Variants in NELL1 observed in about 807,000 individuals in gnomAD.
The protein encoded by NELL1 is protein kinase C-binding protein NELL1.
In NELL1, 76 loss-of-function variants were observed where a neutral mutation model predicts 107.4. The observed-to-expected ratio is 0.71, with a 90% CI of 0.59 to 0.86. The LOEUF is 0.86. Among genes scored for constraint, NELL1 ranks in the 40% least tolerant of loss-of-function variants. NELL1 has a pLI of 0.00. For synonymous variants in NELL1, 353 were observed against 341.2 expected (o/e 1.03, Z -0.38); for missense variants, 1,024 against 1,005.5 (o/e 1.02, Z -0.25).
intron 12 of NELL1, among the ~76,000 whole-genome samples, chr11:21,010,823 C>A (rs1366349888): frequency 6.6e-6 from 1 of 152,074 alleles, no homozygotes; most frequent in Non-Finnish European, 1.5e-5. Context: ...CAGCAAACTG[C>A]CCTTAGCTTC....
intron 11 of NELL1, among the ~76,000 whole-genome samples, chr11:20,959,604 G>C (rs1851248685): frequency 1.3e-5 from 2 of 152,134 alleles, no homozygotes; most frequent in Admixed American, 1.3e-4. Context: ...ATTCATAAGT[G>C]GGAGTTAGGC....
chr11:21,121,383 C>A (rs1384809459), intron 13 of NELL1, among the ~76,000 whole-genome samples: 1 of 152,158 alleles, frequency 6.6e-6, no homozygotes, highest in Non-Finnish European at 1.5e-5. Flanking sequence ...GCTGGATAGA[C>A]AATGACTGTG....
chr11:20,707,368 C>G (rs576183567), intron 2 of NELL1, among the ~76,000 whole-genome samples: 1 of 152,228 alleles, frequency 6.6e-6, no homozygotes, highest in Non-Finnish European at 1.5e-5. Context: ...CTTCCCTCAA[C>G]TCGTCAAAAT....
chr11:21,043,425 C>A (rs891796737), intron 12 of NELL1, among the ~76,000 whole-genome samples: 1 of 152,042 alleles, frequency 6.6e-6, no homozygotes, highest in Non-Finnish European at 1.5e-5. Flanking sequence ...GGGAGTGTGG[C>A]TTTTGCTGAG....
intron 2 of NELL1, among the ~76,000 whole-genome samples, chr11:20,694,129 G>C (rs563105981): frequency 1.2e-3 from 184 of 152,168 alleles, no homozygotes; most frequent in African/African-American, 4.3e-3. Flanking sequence ...TTGGCTTTCA[G>C]CTCCATCAGC....
At chr11:21,338,439 C>T (rs1850485649) in intron 14 of NELL1, among the ~76,000 whole-genome samples, 1 of 152,172 alleles carries the variant, frequency 6.6e-6, no homozygotes, top group Admixed American at 6.5e-5. Flanking sequence ...ACATGGGATT[C>T]TCTGTATAGC....
intron 13 of NELL1, among the ~76,000 whole-genome samples, chr11:21,177,925 C>T (rs1228643736): frequency 6.6e-6 from 1 of 151,708 alleles, no homozygotes; most frequent in African/African-American, 2.4e-5. Context: ...TTTTGAAACA[C>T]TTCTATGCAG....
intron 2 of NELL1, among the ~76,000 whole-genome samples, chr11:20,721,836 A>G (rs1276389877): frequency 6.6e-6 from 1 of 152,158 alleles, no homozygotes; most frequent in Non-Finnish European, 1.5e-5. Context: ...TGTAGTTAAC[A>G]CCAGAAGAAT....
chr11:21,530,088 T>G (rs1177626425), intron 15 of NELL1, among the ~76,000 whole-genome samples: 1 of 152,154 alleles, frequency 6.6e-6, no homozygotes, highest in African/African-American at 2.4e-5. Flanking sequence ...GCTTAGTATA[T>G]GGGGCAAATG....
chr11:21,404,799 A>G (rs1004815426), intron 15 of NELL1, among the ~76,000 whole-genome samples: 6 of 138,326 alleles, frequency 4.3e-5, no homozygotes, highest in Non-Finnish European at 8.1e-5. Context: ...GCTCAGCATT[A>G]CTGCTAGGAT....
At chr11:21,190,244 C>G (rs1857020972) in intron 13 of NELL1, among the ~76,000 whole-genome samples, 1 of 151,714 alleles carries the variant, frequency 6.6e-6, no homozygotes, top group Non-Finnish European at 1.5e-5. Flanking sequence ...CCCAGCTACT[C>G]TGGAGGCTGA....
chr11:21,199,810 C>T (rs1037945444), intron 13 of NELL1, among the ~76,000 whole-genome samples: 1 of 151,646 alleles, frequency 6.6e-6, no homozygotes, highest in South Asian at 2.1e-4. Flanking sequence ...CCCCACCCCC[C>T]AATAGGCCCT....
chr11:20,907,441 T>C (rs181629473), intron 5 of NELL1, among the ~76,000 whole-genome samples: 11 of 152,090 alleles, frequency 7.2e-5, no homozygotes, highest in African/African-American at 2.4e-4. Context: ...AAAGAAGATA[T>C]ACAAATGGCC....
At chr11:20,877,647 A>T (rs534494772) in intron 4 of NELL1, among the ~76,000 whole-genome samples, 1 of 152,182 alleles carries the variant, frequency 6.6e-6, no homozygotes, top group Non-Finnish European at 1.5e-5. Flanking sequence ...TTGGGAAGAA[A>T]ATTCCTAATG....
At chr11:20,951,929 G>A (rs1851076523) in intron 11 of NELL1, among the ~76,000 whole-genome samples, 1 of 152,138 alleles carries the variant, frequency 6.6e-6, no homozygotes, top group Non-Finnish European at 1.5e-5. Context: ...AGGCCATTAG[G>A]TGGAGAAGGG....
chr11:21,097,524 T>C (rs1360205907), intron 12 of NELL1, among the ~76,000 whole-genome samples: 1 of 151,290 alleles, frequency 6.6e-6, no homozygotes, highest in East Asian at 1.9e-4. Flanking sequence ...TTTTCCTAAA[T>C]GTACTGGGGG....
chr11:20,766,117 G>C (rs1435155575), intron 2 of NELL1, among the ~76,000 whole-genome samples: 1 of 152,170 alleles, frequency 6.6e-6, no homozygotes, highest in Non-Finnish European at 1.5e-5. Context: ...GCTATTCAAG[G>C]GAGTGAGGAA....
At chr11:21,098,309 C>T (rs1414482208) in intron 12 of NELL1, among the ~76,000 whole-genome samples, 2 of 152,192 alleles carry the variant, frequency 1.3e-5, no homozygotes, top group Non-Finnish European at 2.9e-5. Context: ...TTATCACCTT[C>T]TTGTGACAGT....
chr11:20,979,890 C>A (rs901832794), intron 12 of NELL1, among the ~76,000 whole-genome samples: 2 of 151,992 alleles, frequency 1.3e-5, no homozygotes, highest in African/African-American at 2.4e-5. Context: ...ATTTCTGTAC[C>A]CCATTTATCA....
Sources: gnomAD v4.1 joint callset for allele counts (sites outside exome capture counted in the v4.1 genomes callset) on GRCh38, gnomAD v4.1.1 for gene constraint, MANE v1.5 for transcripts, NCBI Gene and HGNC (gene_info 2026-07-23, HGNC 2026-07-21) for gene names.